The following PPP1R1C variants were observed in gnomAD, a reference collection of about 807,000 sequenced individuals.
The protein encoded by PPP1R1C is protein phosphatase 1 regulatory subunit 1C.
PPP1R1C carries 15 observed loss-of-function variants against 17.4 expected under a neutral mutation model. That is an observed-to-expected ratio of 0.86 (90% CI 0.58 to 1.33). The LOEUF is 1.33. Ranked by LOEUF, PPP1R1C falls within the 40% of genes most tolerant of loss-of-function variation. PPP1R1C has a pLI of 0.00. For synonymous variants in PPP1R1C, 35 were observed against 43.1 expected (o/e 0.81, Z 0.73); for missense variants, 143 against 130.0 (o/e 1.10, Z -0.48).
intron 4 of PPP1R1C, among the ~76,000 whole-genome samples, chr2:182,065,019 T>C (rs535118996): frequency 2.0e-5 from 3 of 152,220 alleles, no homozygotes; most frequent in African/African-American, 7.2e-5. Context: ...AGGAAAATCT[T>C]AAACCGAAAG....
chr2:182,106,747 A>T (rs1450825930), intron 4 of PPP1R1C, among the ~76,000 whole-genome samples: 1 of 152,166 alleles, frequency 6.6e-6, no homozygotes, highest in Non-Finnish European at 1.5e-5. Context: ...CAACTAAAAA[A>T]CTAAAAAACT....
intron 1 of PPP1R1C, among the ~76,000 whole-genome samples, chr2:181,970,466 C>T (rs1369082183): frequency 6.6e-6 from 1 of 152,152 alleles, no homozygotes; most frequent in African/African-American, 2.4e-5. Flanking sequence ...AGAGACTCTT[C>T]TTCTCTTCTC....
intron 4 of PPP1R1C, among the ~76,000 whole-genome samples, chr2:182,094,267 A>G (rs949189180): frequency 2.6e-5 from 4 of 152,196 alleles, no homozygotes; most frequent in Non-Finnish European, 4.4e-5. Flanking sequence ...CAAGAACAGC[A>G]TGGGAAAGAC....
At chr2:182,078,794 T>C (rs1402029943) in intron 4 of PPP1R1C, among the ~76,000 whole-genome samples, 1 of 152,226 alleles carries the variant, frequency 6.6e-6, no homozygotes, top group Non-Finnish European at 1.5e-5. Context: ...TAAAGTAATA[T>C]ATGTATAGTG....
At chr2:182,109,443 C>T (rs998796644) in intron 4 of PPP1R1C, among the ~76,000 whole-genome samples, 2 of 152,128 alleles carry the variant, frequency 1.3e-5, no homozygotes, top group East Asian at 3.8e-4. Context: ...CAGGTATTCT[C>T]CTATGTTATT....
At chr2:182,097,563 C>T (rs187781711) in intron 4 of PPP1R1C, among the ~76,000 whole-genome samples, 1 of 152,162 alleles carries the variant, frequency 6.6e-6, no homozygotes, top group African/African-American at 2.4e-5. Context: ...TGGTTCACCC[C>T]TTTAGTCTTT....
At chr2:181,981,955 A>G (rs1205270114), upstream of PPP1R1C, among the ~76,000 whole-genome samples, 3 of 152,222 alleles carry the variant, frequency 2.0e-5, no homozygotes, top group African/African-American at 7.2e-5. Flanking sequence ...AGTCATGTGT[A>G]ATACATATTT....
chr2:182,079,254 T>C (rs2125211789), intron 4 of PPP1R1C, among the ~76,000 whole-genome samples: 1 of 152,328 alleles, frequency 6.6e-6, no homozygotes, highest in South Asian at 2.1e-4. Context: ...ACATAGCAGA[T>C]GTGTTTATTT....
intron 2 of PPP1R1C, among the ~76,000 whole-genome samples, chr2:182,038,532 T>C (rs2125177478): frequency 6.6e-6 from 1 of 151,912 alleles, no homozygotes; most frequent in South Asian, 2.1e-4. Flanking sequence ...AGGCATTGAA[T>C]GGCAGGATCA....
exon 6 of PPP1R1C, chr2:182,129,450 A>T (rs1430190929): frequency 6.6e-6 from 1 of 152,002 alleles, no homozygotes; most frequent in Non-Finnish European, 1.5e-5. Flanking sequence ...ATTTAGTTCC[A>T]CAGATTTTAC....
chr2:181,968,842 C>T (rs1684953346), intron 1 of PPP1R1C, among the ~76,000 whole-genome samples: 1 of 151,818 alleles, frequency 6.6e-6, no homozygotes. Context: ...TAATTTATTG[C>T]TTTTTATTTT....
downstream of PPP1R1C, among the ~76,000 whole-genome samples, chr2:182,119,444 T>C (rs1048707108): frequency 2.6e-5 from 4 of 152,318 alleles, no homozygotes; most frequent in African/African-American, 7.2e-5. Context: ...CTGGGTCAAA[T>C]GGTATTTCTA....
chr2:182,011,515 C>T (rs1337288445), intron 2 of PPP1R1C, among the ~76,000 whole-genome samples: 1 of 151,812 alleles, frequency 6.6e-6, no homozygotes, highest in Admixed American at 6.6e-5. Flanking sequence ...TTTTTTCCTT[C>T]ATCTGGCTAA....
chr2:182,101,503 A>G (rs1391650585), intron 4 of PPP1R1C, among the ~76,000 whole-genome samples: 3 of 152,170 alleles, frequency 2.0e-5, no homozygotes, highest in Non-Finnish European at 2.9e-5. Context: ...TAGATAAAGC[A>G]TGAAAGGGAA....
At chr2:182,051,534 G>A (rs930283149) in intron 2 of PPP1R1C, among the ~76,000 whole-genome samples, 9 of 152,026 alleles carry the variant, frequency 5.9e-5, no homozygotes, top group East Asian at 5.8e-4. Context: ...AAACGGTCAC[G>A]AAATAACTTT....
At chr2:182,015,281 A>T (rs1356379842) in intron 2 of PPP1R1C, among the ~76,000 whole-genome samples, 2 of 152,028 alleles carry the variant, frequency 1.3e-5, no homozygotes, top group African/African-American at 4.8e-5. Flanking sequence ...ATGAGATGTG[A>T]TGGTTTTATA....
chr2:182,055,290 C>A (rs1377451734), intron 2 of PPP1R1C, among the ~76,000 whole-genome samples: 1 of 152,148 alleles, frequency 6.6e-6, no homozygotes, highest in Non-Finnish European at 1.5e-5. Flanking sequence ...TCTTTACCAT[C>A]TCTTACTTAT....
intron 1 of PPP1R1C, among the ~76,000 whole-genome samples, chr2:181,958,127 C>A (rs545145218): frequency 6.6e-6 from 1 of 152,086 alleles, no homozygotes; most frequent in Admixed American, 6.5e-5. Flanking sequence ...GCTAAGGAAG[C>A]GCTCCCAAGA....
chr2:181,986,058 T>G lies in PPP1R1C; in HGVS notation c.-53T>G. On this transcript the variant is annotated 5_prime_UTR_variant, in exon 1 of 5. Transcript: ENST00000682840. ...GAGGAAACACATCCCGGACACCACTTAGGGTTAGTCTTTCTGAGCTCTTCA... is the reference window on the plus strand; with the variant it reads ...GAGGAAACACATCCCGGACACCACTGAGGGTTAGTCTTTCTGAGCTCTTCA... The G allele has an allele frequency of 1.4e-6, 2 of 1,402,914 alleles. No homozygotes were observed. Among genetic ancestry groups the G allele is most frequent in the South Asian group, 2.3e-5 (2 of 86,828 alleles). The allele number at this position is 1,402,914 out of a possible 1,614,324, so 86.9% of individuals were successfully genotyped here.
Sources: allele counts gnomAD v4.1 joint callset (sites outside exome capture counted in the v4.1 genomes callset), GRCh38; gene constraint gnomAD v4.1.1; transcripts MANE v1.5; gene names NCBI Gene and HGNC (gene_info 2026-07-23, HGNC 2026-07-21).